The following KATNAL1 variants were observed in gnomAD, a reference collection of about 807,000 sequenced individuals.
The protein encoded by KATNAL1 is katanin catalytic subunit A1 like 1, also known as katanin p60 ATPase-containing subunit A-like 1.
Under a neutral mutation model 55.2 loss-of-function variants are expected in KATNAL1, and 32 were observed. That is an observed-to-expected ratio of 0.58 (90% CI 0.44 to 0.78). KATNAL1 has a LOEUF of 0.78. Among genes scored for constraint, KATNAL1 ranks in the 30% least tolerant of loss-of-function variants. The pLI is 0.00. For missense variants in KATNAL1, 466 were observed against 600.9 expected, an observed-to-expected ratio of 0.78 and a Z score of 2.35; for synonymous variants, 193 against 193.6, an observed-to-expected ratio of 1.00 and a Z score of 0.02.
chr13:30,232,216 T>C (rs1382537818), intron 6 of KATNAL1, among the ~76,000 whole-genome samples: 4 of 152,188 alleles, frequency 2.6e-5, no homozygotes, highest in South Asian at 2.1e-4. Flanking sequence ...TCTTAAATAA[T>C]TATTTTCTTC....
chr13:30,287,797 A>T (rs569289493), intron 1 of KATNAL1, among the ~76,000 whole-genome samples: 92 of 152,362 alleles, frequency 6.0e-4, no homozygotes, highest in African/African-American at 2.2e-3. Flanking sequence ...ATACAGACAC[A>T]AAACTATAAA....
chr13:30,267,013 T>G (rs1360733537), intron 3 of KATNAL1, among the ~76,000 whole-genome samples: 1 of 152,218 alleles, frequency 6.6e-6, no homozygotes, highest in Non-Finnish European at 1.5e-5. Context: ...TTAGAGTTGC[T>G]AAGCCATTCA....
chr13:30,241,189 T>A, intron 4 of KATNAL1, 103 bp from the exon 5 acceptor site: 8 of 1,068,514 alleles, frequency 7.5e-6, no homozygotes, highest in African/African-American at 1.6e-5. Flanking sequence ...CTAAATAATT[T>A]TTATTATTTT....
At chr13:30,272,259 G>A (rs1346329083) in intron 3 of KATNAL1, among the ~76,000 whole-genome samples, 1 of 152,138 alleles carries the variant, frequency 6.6e-6, no homozygotes, top group Non-Finnish European at 1.5e-5. Flanking sequence ...TTAGCCAGGT[G>A]TGGTGGCTCA....
At chr13:30,271,452 C>G (rs559591733) in intron 3 of KATNAL1, among the ~76,000 whole-genome samples, 2 of 152,182 alleles carry the variant, frequency 1.3e-5, no homozygotes, top group South Asian at 4.2e-4. Context: ...ACAATCATGG[C>G]AGAAGGTGAA....
chr13:30,275,005 G>A (rs927522162), intron 3 of KATNAL1, among the ~76,000 whole-genome samples: 9 of 151,668 alleles, frequency 5.9e-5, no homozygotes, highest in Non-Finnish European at 1.2e-4. Flanking sequence ...CCTTGTGGCA[G>A]GTGAAACAGG....
chr13:30,286,329 C>T (rs1881785258), intron 1 of KATNAL1, among the ~76,000 whole-genome samples: 1 of 152,238 alleles, frequency 6.6e-6, no homozygotes, highest in African/African-American at 2.4e-5. Flanking sequence ...GGTCCAGGGC[C>T]CCTCTGCTGT....
intron 3 of KATNAL1, among the ~76,000 whole-genome samples, chr13:30,257,017 A>C (rs918001998): frequency 6.6e-6 from 1 of 152,246 alleles, no homozygotes; most frequent in Non-Finnish European, 1.5e-5. Flanking sequence ...AGGCATTTTA[A>C]AATTTAAAGT....
intron 3 of KATNAL1, among the ~76,000 whole-genome samples, chr13:30,277,982 CAAAAAAAAAAAAA>C (rs55683675): frequency 3.1e-4 from 19 of 61,312 alleles, no homozygotes; most frequent in African/African-American, 1.1e-3. Context: ...GACTCCGTCT[CAAAAAAAAAAAAA>C]AAAAAAAAAA....
Position 30,206,988 on chromosome 13 carries a change from C to T in KATNAL1, c.*1552G>A, listed in dbSNP as rs1300869512. On this transcript the variant is annotated 3_prime_UTR_variant, in exon 11 of 11. Coordinates refer to ENST00000380615, the MANE Select transcript of KATNAL1 (RefSeq NM_032116.5). ...GGAGTTTAGGTCAGACTTAAGTTATCTGAAAAGAACATAAGGCATTTACAG... is the reference window on the plus strand; with the variant it reads ...GGAGTTTAGGTCAGACTTAAGTTATTTGAAAAGAACATAAGGCATTTACAG... 6.6e-6 allele frequency: 1 copy of T among 151,956 alleles called. No individual in the cohort carries two copies. Among genetic ancestry groups the T allele is most frequent in the African/African-American group, 2.4e-5 (1 of 41,364 alleles). The allele number at this position is 151,956 out of a possible 1,614,324, so 9.4% of individuals were successfully genotyped here.
At chr13:30,259,166 CCT>C (rs2137471660) in intron 3 of KATNAL1, among the ~76,000 whole-genome samples, 1 of 152,238 alleles carries the variant, frequency 6.6e-6, no homozygotes, top group South Asian at 2.1e-4. Flanking sequence ...ATGGCGAAAC[CCT>C]GTCTCTACTA....
intron 4 of KATNAL1, among the ~76,000 whole-genome samples, chr13:30,254,077 T>C (rs967559150): frequency 2.0e-5 from 3 of 152,228 alleles, no homozygotes; most frequent in Admixed American, 1.3e-4. Flanking sequence ...GTTTCTCTTA[T>C]GTAAATTCAA....
chr13:30,236,676 C>G (rs982386401), intron 6 of KATNAL1, among the ~76,000 whole-genome samples: 1 of 152,190 alleles, frequency 6.6e-6, no homozygotes, highest in Non-Finnish European at 1.5e-5. Context: ...AATCACCCTT[C>G]TACTAAAAAC....
chr13:30,283,745 C>A lies in KATNAL1; in HGVS notation c.33G>T (p.Lys11Asn). 1 of 1,612,534 alleles carries A rather than the reference C, an allele frequency of 6.2e-7. No individual in the cohort carries two copies. The highest frequency in any genetic ancestry group is 1.1e-5 in the South Asian group (1 of 90,760). ...CAAGAAGGGCATATTCTCTTCCTTT[C>A]TTTGCATTATCACAAATCTCAGCCA... MNLAEICDNA[K>N]KGREYALLGN... Residue 11 changes from lysine (K) to asparagine (N), a missense_variant, in exon 2 of 11, where the codon AAG (lysine) becomes AAT (asparagine). Physicochemically the swap from Lys to Asn is moderately conservative, Grantham distance 94. Coordinates refer to ENST00000380615, the MANE Select transcript of KATNAL1 (RefSeq NM_032116.5).
intron 1 of KATNAL1, among the ~76,000 whole-genome samples, chr13:30,290,512 T>C (rs1566132186): frequency 6.6e-6 from 1 of 152,200 alleles, no homozygotes; most frequent in Non-Finnish European, 1.5e-5. Context: ...TTAATGAAAT[T>C]GAATACAGAA....
At chr13:30,247,952 T>C (rs573862324) in intron 4 of KATNAL1, among the ~76,000 whole-genome samples, 1 of 152,292 alleles carries the variant, frequency 6.6e-6, no homozygotes, top group South Asian at 2.1e-4. Context: ...TATACGGCTA[T>C]TAAGGCCCCA....
chr13:30,241,195 A>T, intron 4 of KATNAL1, 109 bp from the exon 5 acceptor site: 1 of 1,021,200 alleles, frequency 9.8e-7, no homozygotes, highest in Non-Finnish European at 1.4e-6. Flanking sequence ...AATTTTTATT[A>T]TTTTAAGGTA....
intron 4 of KATNAL1, among the ~76,000 whole-genome samples, chr13:30,250,739 G>A (rs116416516): frequency 0.035 from 5,266 of 152,226 alleles, 104 homozygotes; most frequent in African/African-American, 0.051. Context: ...AATATAATTT[G>A]CCATACTTTA....
At chr13:30,250,149 AT>A (rs1878165895) in intron 4 of KATNAL1, among the ~76,000 whole-genome samples, 1 of 152,200 alleles carries the variant, frequency 6.6e-6, no homozygotes, top group African/African-American at 2.4e-5. Flanking sequence ...TACAGGTGGT[AT>A]TTATATCACA....
Sources: gnomAD v4.1 joint callset for allele counts (sites outside exome capture counted in the v4.1 genomes callset) on GRCh38, gnomAD v4.1.1 for gene constraint, MANE v1.5 for transcripts, NCBI Gene and HGNC (gene_info 2026-07-23, HGNC 2026-07-21) for gene names.